Variants in SETDB2 observed in about 807,000 individuals in gnomAD.
SETDB2 encodes the protein histone-lysine N-methyltransferase SETDB2.
A neutral mutation model predicts 82.5 loss-of-function variants in SETDB2; 56 were observed. The ratio of observed to expected loss-of-function variants is 0.68; its 90% CI spans 0.55 to 0.85. The LOEUF (loss-of-function observed/expected upper bound fraction) is 0.85. Ranked by LOEUF, SETDB2 falls within the 40% of genes least tolerant of loss-of-function variation. The pLI is 0.00. For synonymous variants in SETDB2, 272 were observed against 284.9 expected, an observed-to-expected ratio of 0.95 and a Z score of 0.46; for missense variants, 677 against 816.4, an observed-to-expected ratio of 0.83 and a Z score of 2.08.
rs966908024 is a variant in SETDB2, at chr13:49,488,486, A to T, written c.1773A>T (p.Ala591=). ...IQKPQEGRST[A]CQRQQVFCDE... is the part of the protein sequence containing the mutation. Reference sequence around the variant, plus strand: ...AACCCCAAGAGGGACGATCTACAGCATGTCAAAGACAGCAGGTATTTTGTG... The same window carrying T: ...AACCCCAAGAGGGACGATCTACAGCTTGTCAAAGACAGCAGGTATTTTGTG... The change falls in exon 12 of 14, where the codon GCA becomes GCT. Residue 591 remains alanine, a synonymous_variant. Coordinates refer to ENST00000611815, the MANE Select transcript of SETDB2 (RefSeq NM_001160308.3). 6.2e-7 allele frequency: 1 copy of T among 1,614,140 alleles called. No individual in the cohort carries two copies. The highest frequency in any genetic ancestry group is 1.7e-5 in the Admixed American group (1 of 60,024).
chr13:49,480,196 T>C (rs1341423412), intron 6 of SETDB2, 23 bp from the exon 7 acceptor site: 2 of 1,488,340 alleles, frequency 1.3e-6, no homozygotes, highest in African/African-American at 2.8e-5. Flanking sequence ...TCATTCTTTC[T>C]CCATCCATTG....
chr13:49,449,603 G>A (rs138873743), intron 1 of SETDB2, among the ~76,000 whole-genome samples: 1 of 151,904 alleles, frequency 6.6e-6, no homozygotes, highest in Non-Finnish European at 1.5e-5. Context: ...ACATTTCACA[G>A]TTCTTAAATT....
intron 5 of SETDB2, among the ~76,000 whole-genome samples, chr13:49,471,938 T>A (rs867228822): frequency 0.049 from 4,800 of 98,436 alleles, 112 homozygotes; most frequent in African/African-American, 0.078. Flanking sequence ...ATATATATTT[T>A]TTTTTTTTTT....
At chr13:49,488,252 G>A (rs759425619) in intron 11 of SETDB2, 38 bp from the exon 12 acceptor site, 6 of 1,533,860 alleles carry the variant, frequency 3.9e-6, no homozygotes, top group Non-Finnish European at 5.2e-6. Context: ...TGCTCAGCAA[G>A]TATATTTCCT....
At chr13:49,474,525 A>G (rs868502695) in intron 5 of SETDB2, among the ~76,000 whole-genome samples, 1 of 152,234 alleles carries the variant, frequency 6.6e-6, no homozygotes, top group Admixed American at 6.5e-5. Flanking sequence ...CGTGTATGAA[A>G]TTGTTATTAA....
chr13:49,481,005 G>C lies in SETDB2; in HGVS notation c.1045G>C (p.Val349Leu), dbSNP rs1566172031. Reference sequence around the variant, plus strand: ...TCGACAATTGTGTCAAAACCGAGTTGTCCAACATGGTCCTCAAGTGAGGTT... The same window carrying C: ...TCGACAATTGTGTCAAAACCGAGTTCTCCAACATGGTCCTCAAGTGAGGTT... ...CNRQLCQNRV[V>L]QHGPQVRLQV... is the part of the protein sequence containing the mutation. Residue 349 changes from valine to leucine, a missense_variant, in exon 8 of 14, where the codon GTC (valine) becomes CTC (leucine). Physicochemically the swap from Val to Leu is conservative, Grantham distance 32. Transcript: ENST00000611815. 6.2e-7 allele frequency: 1 copy of C among 1,614,192 alleles called. No individual in the cohort carries two copies. The highest frequency in any genetic ancestry group is 1.3e-5 in the African/African-American group (1 of 75,050).
In SETDB2 at chr13:49,476,759, C is replaced by T. The variant is rs954213258; in HGVS notation, c.589C>T (p.Leu197=). The change falls in exon 6 of 14, where the codon CTG becomes TTG. Residue 197 remains leucine (L), a synonymous_variant. Coordinates refer to ENST00000611815, the MANE Select transcript of SETDB2 (RefSeq NM_001160308.3). ...AAACGTGGAGGAAGTTTTTCGTTAC[C>T]TGCTTGAGACAGAGTGTAACTTTTT... ...LRNVEEVFRY[L]LETECNFLFT... 1 of 1,614,048 alleles carries T rather than the reference C, an allele frequency of 6.2e-7. No homozygotes were observed. The highest frequency in any genetic ancestry group is 1.7e-5 in the Admixed American group (1 of 60,002).
At chr13:49,455,446 C>T (rs116277219) in intron 2 of SETDB2, among the ~76,000 whole-genome samples, 1,753 of 152,132 alleles carry the variant, frequency 0.012, 32 homozygotes, top group African/African-American at 0.04. Context: ...ATGTATTGAC[C>T]ACTTGTAAAA....
intron 6 of SETDB2, among the ~76,000 whole-genome samples, chr13:49,478,517 A>T (rs968702924): frequency 6.6e-6 from 1 of 152,234 alleles, no homozygotes; most frequent in Non-Finnish European, 1.5e-5. Flanking sequence ...GCACACAAAG[A>T]TGTTTAGGAC....
chr13:49,483,715 A>G (rs989806831), intron 10 of SETDB2, 152 bp downstream of exon 10: 56 of 420,296 alleles, frequency 1.3e-4, no homozygotes, highest in South Asian at 2.9e-5. Flanking sequence ...TGCAGCCACA[A>G]TCTCCTGGGC....
chr13:49,454,846 G>A (rs941120781), intron 2 of SETDB2, among the ~76,000 whole-genome samples: 2 of 151,994 alleles, frequency 1.3e-5, no homozygotes, highest in Non-Finnish European at 2.9e-5. Flanking sequence ...ACCAGGCTGT[G>A]ATCTAAGCCA....
At chr13:49,450,918 CTAAA>C (rs577818687) in intron 1 of SETDB2, among the ~76,000 whole-genome samples, 8 of 150,638 alleles carry the variant, frequency 5.3e-5, no homozygotes, top group Admixed American at 3.3e-4. Flanking sequence ...GGAAAACAAT[CTAAA>C]TATCGAATAT....
intron 4 of SETDB2, among the ~76,000 whole-genome samples, chr13:49,463,828 T>C (rs1958047613): frequency 6.6e-6 from 1 of 152,162 alleles, no homozygotes; most frequent in East Asian, 1.9e-4. Context: ...TTTTCTCCTC[T>C]CTATGTTGAG....
chr13:49,453,006 A>G (rs1957811638), intron 2 of SETDB2, among the ~76,000 whole-genome samples: 1 of 151,920 alleles, frequency 6.6e-6, no homozygotes, highest in Non-Finnish European at 1.5e-5. Flanking sequence ...TCCCTGCTAT[A>G]CTCTTCGGAA....
rs1192394333 is a variant in SETDB2, at chr13:49,488,472, G to A, written c.1759G>A (p.Gly587Arg). 1 of 1,614,014 alleles carries A rather than the reference G, an allele frequency of 6.2e-7. No individual in the cohort carries two copies. The highest frequency in any genetic ancestry group is 8.5e-7 in the Non-Finnish European group (1 of 1,179,976). Reference sequence around the variant, plus strand: ...GGTTCAAATTCAGAAACCCCAAGAGGGACGATCTACAGCATGTCAAAGACA... The same window carrying A: ...GGTTCAAATTCAGAAACCCCAAGAGAGACGATCTACAGCATGTCAAAGACA... ...IEVQIQKPQE[G>R]RSTACQRQQV... Residue 587 changes from glycine (G) to arginine (R), a missense_variant, in exon 12 of 14, where the codon GGA becomes AGA. By Grantham distance (125) the Gly-to-Arg change is moderately radical (BLOSUM62 -2). Around this residue, in one of 3 missense-constraint regions of SETDB2, gnomAD observed 420 missense variants for 554.6 expected, o/e 0.76. Transcript: ENST00000611815.
intron 12 of SETDB2, among the ~76,000 whole-genome samples, chr13:49,489,679 C>G (rs1358508313): frequency 1.4e-5 from 2 of 139,914 alleles, no homozygotes; most frequent in African/African-American, 5.4e-5. Flanking sequence ...CCACTGCGAT[C>G]TCCGCCTCCT....
At chr13:49,467,221 C>A (rs930984442) in intron 4 of SETDB2, among the ~76,000 whole-genome samples, 2 of 151,982 alleles carry the variant, frequency 1.3e-5, no homozygotes, top group African/African-American at 4.8e-5. Flanking sequence ...AACATAAAAT[C>A]CTGTCTCTAC....
At chr13:49,449,734 A>G (rs981900715) in intron 1 of SETDB2, among the ~76,000 whole-genome samples, 4 of 152,172 alleles carry the variant, frequency 2.6e-5, no homozygotes, top group Non-Finnish European at 5.9e-5. Flanking sequence ...TCTCTCCTCC[A>G]GAAAAGAACA....
chr13:49,446,668 T>C (rs1267853964), intron 1 of SETDB2, among the ~76,000 whole-genome samples: 1 of 152,220 alleles, frequency 6.6e-6, no homozygotes, highest in Admixed American at 6.5e-5. Flanking sequence ...AGTGTTCCAG[T>C]GTATGACTGA....
Sources: allele counts gnomAD v4.1 joint callset (sites outside exome capture counted in the v4.1 genomes callset), GRCh38; gene constraint gnomAD v4.1.1; regional missense constraint gnomAD v4.1.1; transcripts MANE v1.5; gene names NCBI Gene and HGNC (gene_info 2026-07-23, HGNC 2026-07-21).